Variants in CDCA5 observed in about 807,000 individuals in gnomAD.
CDCA5 encodes sororin.
In CDCA5, 14 loss-of-function variants were observed where a neutral mutation model predicts 25.7. The observed-to-expected ratio is 0.54, with a 90% CI of 0.36 to 0.85. The LOEUF (loss-of-function observed/expected upper bound fraction) is 0.85. CDCA5 is among the 40% of genes least tolerant of loss of function. The pLI, the probability that CDCA5 is intolerant of heterozygous loss-of-function variation, is 0.01. For missense variants in CDCA5, 307 were observed against 324.5 expected (o/e 0.95, Z 0.41); for synonymous variants, 127 against 128.7 (o/e 0.99, Z 0.09).
downstream of CDCA5, among the ~76,000 whole-genome samples, chr11:65,062,328 C>T (rs1300338066): frequency 1.3e-5 from 2 of 152,154 alleles, no homozygotes; most frequent in Non-Finnish European, 2.9e-5. Flanking sequence ...CGCCATGTCA[C>T]GACCGTGCTC....
chr11:65,066,318 T>G, downstream of CDCA5: 1 of 1,157,360 alleles, frequency 8.6e-7, no homozygotes, highest in Non-Finnish European at 1.1e-6. Context: ...CAAGTTTATT[T>G]CTGGGATCTA....
chr11:65,067,127 AG>A (rs1439980983), intron 4 of CDCA5, among the ~76,000 whole-genome samples: 1 of 152,252 alleles, frequency 6.6e-6, no homozygotes, highest in Non-Finnish European at 1.5e-5. Context: ...TTGCAAGAGC[AG>A]GGCAGGCTGC....
intron 4 of CDCA5, among the ~76,000 whole-genome samples, chr11:65,080,239 T>C (rs982832556): frequency 6.6e-6 from 1 of 152,102 alleles, no homozygotes; most frequent in East Asian, 1.9e-4. Flanking sequence ...GAAAGAGACA[T>C]GGAGAGAAGA....
rs202177996 is a variant in CDCA5 at position 65,079,101 on chromosome 11, T to C, written c.*6A>G. The C allele has an allele frequency of 3.4e-5, 51 of 1,516,070 alleles. No individual in the cohort carries two copies. Among genetic ancestry groups the C allele is most frequent in the Non-Finnish European group, 4.4e-5 (50 of 1,135,096 alleles). 93.9% of individuals were successfully genotyped at this position (1,516,070 alleles called of 1,614,324 possible). The stretch of plus-strand genomic sequence containing the variant: ...GAGTCTGGCCAGGTGCACCCCCCAC[T>C]GCATCTCATTCAACCAGGAGATCAA... On this transcript the variant is annotated 3_prime_UTR_variant, in exon 6 of 6. Transcript: ENST00000275517.
chr11:65,083,322 G>A (rs749469478), intron 4 of CDCA5, 42 bp downstream of exon 4: 15 of 1,610,910 alleles, frequency 9.3e-6, no homozygotes, highest in Admixed American at 1.7e-5. Flanking sequence ...GCTCTAGAGT[G>A]ACCCAGATTC....
rs541375373 is a variant in CDCA5, at chr11:65,078,124, C to A, written c.*983G>T. 120 of 985,184 alleles carry A rather than the reference C, an allele frequency of 1.2e-4. No individual in the cohort carries two copies. The African/African-American group carries it at 2.0e-3, about 17-fold the overall frequency. The allele number at this position is 985,184 out of a possible 1,614,324, so 61.0% of individuals were successfully genotyped here. A position where few individuals can be genotyped will look rare whatever the true frequency, so the allele number is the denominator to read the frequency against. On this transcript the variant is annotated 3_prime_UTR_variant, in exon 6 of 6. Transcript: ENST00000275517. Reference sequence around the variant, plus strand: ...GCTGTCTGGTACGCGAGGAAACTTTCCGAGGACTTTACAAGCATAGTTGCA... The same window carrying A: ...GCTGTCTGGTACGCGAGGAAACTTTACGAGGACTTTACAAGCATAGTTGCA...
intron 1 of CDCA5, among the ~76,000 whole-genome samples, chr11:65,069,541 G>A (rs932606926): frequency 6.6e-6 from 1 of 152,168 alleles, no homozygotes; most frequent in African/African-American, 2.4e-5. Context: ...GCTCCAGCGT[G>A]GTATGGCTGC....
At chr11:65,071,233 T>C (rs962141307) in intron 1 of CDCA5, among the ~76,000 whole-genome samples, 1 of 152,022 alleles carries the variant, frequency 6.6e-6, no homozygotes, top group Non-Finnish European at 1.5e-5. Flanking sequence ...TGAGCCACCG[T>C]GCTCGGCCGG....
At position 65,083,500 on chromosome 11, in the gene CDCA5, C is replaced by G. The variant is rs1947618747; in HGVS notation, c.192G>C (p.Val64=). Residue 64 remains valine (V), a synonymous_variant, in exon 3 of 6, where the codon GTG becomes GTC. Coordinates refer to ENST00000275517, the MANE Select transcript of CDCA5 (RefSeq NM_080668.4). Reference sequence around the variant, plus strand: ...TAGCCTTTACCTCTACAGCATGGGCCACGATCCTCTTTAAGACGATGGGCT... The same window carrying G: ...TAGCCTTTACCTCTACAGCATGGGCGACGATCCTCTTTAAGACGATGGGCT... ...VRKPIVLKRI[V]AHAVEVPAVQ... The G allele has an allele frequency of 6.2e-7, 1 of 1,614,220 alleles. No homozygotes were observed. Among genetic ancestry groups the G allele is most frequent in the Non-Finnish European group, 8.5e-7 (1 of 1,180,030 alleles).
At chr11:65,064,287 G>C (rs192398958), downstream of CDCA5, among the ~76,000 whole-genome samples, 6 of 152,048 alleles carry the variant, frequency 3.9e-5, no homozygotes, top group Non-Finnish European at 8.8e-5. Flanking sequence ...GCATGGTGGC[G>C]GGTGCCTGTA....
chr11:65,065,596 G>T (rs1301134838), downstream of CDCA5, among the ~76,000 whole-genome samples: 3 of 152,136 alleles, frequency 2.0e-5, no homozygotes, highest in Non-Finnish European at 2.9e-5. Context: ...CCCGGGTTAT[G>T]GGATTTTAAA....
intron 2 of CDCA5, chr11:65,068,266 T>G (rs1947278729): frequency 2.0e-6 from 1 of 488,874 alleles, no homozygotes. Context: ...GAAAGCCTGG[T>G]AGGAGGTATG....
At position 65,078,087 on chromosome 11, in the gene CDCA5, T is replaced by TC; in HGVS notation, c.*1019dup. 2.0e-6 allele frequency: 2 copies of TC among 985,410 alleles called. No homozygotes were observed. The highest frequency in any genetic ancestry group is 2.4e-6 in the Non-Finnish European group (2 of 829,952). The allele number at this position is 985,410 out of a possible 1,614,324, so 61.0% of individuals were successfully genotyped here. A position where few individuals can be genotyped will look rare whatever the true frequency, so the allele number is the denominator to read the frequency against. On this transcript the variant is annotated 3_prime_UTR_variant, in exon 6 of 6. Transcript: ENST00000275517. ...GGGAGGCCAAAAACTAAAATTGCTA[T>TC]CAGCCCCCGCCGCTGTCTGGTACGC...
At chr11:65,073,341 T>C (rs1947377397), downstream of CDCA5, among the ~76,000 whole-genome samples, 2 of 152,190 alleles carry the variant, frequency 1.3e-5, no homozygotes, top group African/African-American at 4.8e-5. Context: ...ATTATTATCA[T>C]TTGCCTGGGA....
In CDCA5 at chr11:65,079,226, G is replaced by A. The variant is rs751598567; in HGVS notation, c.679-39C>T. 5.7e-6 allele frequency: 9 copies of A among 1,565,374 alleles called. No homozygotes were observed. The South Asian group carries it at 1.1e-4, about 18-fold the overall frequency. On this transcript the variant is annotated intron_variant, in intron 5 of 5. Transcript: ENST00000275517. Reference sequence around the variant, plus strand: ...AATGAGGAGCAGGTGAGTGAGAAGGGAACATGGTGGCTGGAGCATCTCACC... The same window carrying A: ...AATGAGGAGCAGGTGAGTGAGAAGGAAACATGGTGGCTGGAGCATCTCACC...
At chr11:65,066,561 G>A (rs763655715) in exon 6 of CDCA5, 8 of 1,289,362 alleles carry the variant, frequency 6.2e-6, no homozygotes, top group South Asian at 3.7e-5. Context: ...CCTGAGCAGA[G>A]CCACCTCCGG....
chr11:65,066,193 G>T, downstream of CDCA5: 1 of 325,028 alleles, frequency 3.1e-6, no homozygotes, highest in South Asian at 4.1e-5. Flanking sequence ...CTGAGGGAGT[G>T]GGGGTGATGT....
At chr11:65,072,714 G>C (rs138407848), downstream of CDCA5, among the ~76,000 whole-genome samples, 1 of 152,108 alleles carries the variant, frequency 6.6e-6, no homozygotes, top group Non-Finnish European at 1.5e-5. Flanking sequence ...CTGGACACTG[G>C]GGGGACAGAG....
Position 65,083,928 on chromosome 11 carries a change from C to G in CDCA5, c.46+5G>C. Reference sequence around the variant, plus strand: ...CCTCACGTCTCCCGCGCGCCCTCCGCTCACCGGAGCGCTGAGCGGCTCCTC... The same window carrying G: ...CCTCACGTCTCCCGCGCGCCCTCCGGTCACCGGAGCGCTGAGCGGCTCCTC... On this transcript the variant is annotated splice_donor_5th_base_variant and intron_variant, in intron 1 of 5. Transcript: ENST00000275517. 6.2e-7 allele frequency: 1 copy of G among 1,609,994 alleles called. No individual in the cohort carries two copies. Among genetic ancestry groups the G allele is most frequent in the Non-Finnish European group, 8.5e-7 (1 of 1,179,852 alleles).
Sources: gnomAD v4.1 joint callset for allele counts (sites outside exome capture counted in the v4.1 genomes callset) on GRCh38, gnomAD v4.1.1 for gene constraint, MANE v1.5 for transcripts, NCBI Gene and HGNC (gene_info 2026-07-23, HGNC 2026-07-21) for gene names.